Variants in RORA observed in about 807,000 individuals in gnomAD.
The protein encoded by RORA is RAR related orphan receptor A.
Under a neutral mutation model 69.5 loss-of-function variants are expected in RORA, and 7 were observed. The observed-to-expected ratio is 0.10, with a 90% CI of 0.06 to 0.19. The LOEUF is 0.19. RORA is among the 10% of genes least tolerant of loss of function. The probability of loss-of-function intolerance (pLI) is 1.00; values close to 1 mark genes in which losing one functional copy is unlikely to be tolerated. For missense variants in RORA, 457 were observed against 663.0 expected (o/e 0.69, Z 3.41); for synonymous variants, 261 against 240.8 (o/e 1.08, Z -0.78).
intron 2 of RORA, among the ~76,000 whole-genome samples, chr15:60,664,687 T>A (rs1250320557): frequency 2.0e-5 from 3 of 152,188 alleles, no homozygotes; most frequent in Non-Finnish European, 4.4e-5. Flanking sequence ...CTTTTTGACC[T>A]TGGAAGAAGA....
intron 1 of RORA, among the ~76,000 whole-genome samples, chr15:60,880,084 A>C (rs928361890): frequency 6.6e-6 from 1 of 152,180 alleles, no homozygotes; most frequent in African/African-American, 2.4e-5. Context: ...AGTTGTAAGG[A>C]GCAGTTCTGC....
intron 1 of RORA, among the ~76,000 whole-genome samples, chr15:61,025,094 G>C (rs1895734107): frequency 6.6e-6 from 1 of 152,132 alleles, no homozygotes; most frequent in African/African-American, 2.4e-5. Flanking sequence ...GAATCAAACA[G>C]ACAGGACGCA....
At chr15:61,157,216 TTTTGAC>T (rs1306941836) in intron 1 of RORA, among the ~76,000 whole-genome samples, 1 of 152,118 alleles carries the variant, frequency 6.6e-6, no homozygotes, top group Non-Finnish European at 1.5e-5. Flanking sequence ...AACCATTAAG[TTTTGAC>T]ACCTCTTAGG....
intron 1 of RORA, among the ~76,000 whole-genome samples, chr15:60,705,890 C>T (rs1297776356): frequency 6.6e-6 from 1 of 152,094 alleles, no homozygotes; most frequent in African/African-American, 2.4e-5. Context: ...TAGAATCTTT[C>T]TCCAAGGAGT....
At chr15:61,142,550 T>A (rs2079309689) in intron 1 of RORA, among the ~76,000 whole-genome samples, 1 of 81,012 alleles carries the variant, frequency 1.2e-5, no homozygotes, top group African/African-American at 3.3e-5. Flanking sequence ...CTGACAAAAA[T>A]AACCAGAAAG....
At chr15:61,053,868 T>TATATATATATATA (rs1375180186) in intron 1 of RORA, among the ~76,000 whole-genome samples, 12 of 140,176 alleles carry the variant, frequency 8.6e-5, no homozygotes, top group Admixed American at 1.4e-4. Context: ...TATATAAACA[T>TATATATATATATA]TCTTCAGGGA....
chr15:61,067,816 C>T (rs2078286219), intron 1 of RORA, among the ~76,000 whole-genome samples: 1 of 152,174 alleles, frequency 6.6e-6, no homozygotes, highest in Non-Finnish European at 1.5e-5. Context: ...TCTCAGCTTC[C>T]TACATAAAAG....
At chr15:60,505,470 T>A in intron 6 of RORA, 38 bp downstream of exon 6, 1 of 1,609,542 alleles carries the variant, frequency 6.2e-7, no homozygotes, top group Non-Finnish European at 8.5e-7. Flanking sequence ...TTCCCAATAT[T>A]GCCTCAATCC....
intron 2 of RORA, among the ~76,000 whole-genome samples, chr15:60,552,981 T>G (rs1319466736): frequency 6.6e-6 from 1 of 152,182 alleles, no homozygotes; most frequent in Non-Finnish European, 1.5e-5. Flanking sequence ...ACTGTGATCA[T>G]GGGCAAGTTA....
At chr15:61,178,473 A>G (rs1174874320) in intron 1 of RORA, among the ~76,000 whole-genome samples, 1 of 152,156 alleles carries the variant, frequency 6.6e-6, no homozygotes, top group Non-Finnish European at 1.5e-5. Flanking sequence ...TTATGAGCAG[A>G]AAAATATGGA....
rs339984 is a variant in RORA, at chr15:60,638,165, C to T, written c.196+40492G>A. Among the ~76,000 whole-genome samples the T allele has an allele frequency of 4.3e-3, 648 of 152,104 alleles. 2 individuals carry two copies. Among genetic ancestry groups the T allele is most frequent in the African/African-American group, 0.015 (606 of 41,494 alleles). On this transcript the variant is annotated intron_variant, in intron 2 of 10. Coordinates refer to ENST00000335670, the MANE Select transcript of RORA (RefSeq NM_134261.3). ...AAAAGATCCTCTCTCTTCTAGGGCA[C>T]GAGTAAAGATATCAACCCATCTATC... is the stretch of plus-strand genomic sequence containing the variant.
At chr15:60,784,557 G>C (rs559513976) in intron 1 of RORA, among the ~76,000 whole-genome samples, 5 of 152,278 alleles carry the variant, frequency 3.3e-5, no homozygotes, top group African/African-American at 1.2e-4. Flanking sequence ...TCACCCTTCT[G>C]TTTCTGGTGA....
At chr15:60,679,326 C>T (rs1407480088) in intron 1 of RORA, among the ~76,000 whole-genome samples, 4 of 152,118 alleles carry the variant, frequency 2.6e-5, no homozygotes, top group Non-Finnish European at 5.9e-5. Context: ...TACGAAAACA[C>T]GAGCGATTCA....
chr15:60,659,736 G>A (rs945720175), intron 2 of RORA, among the ~76,000 whole-genome samples: 1 of 152,088 alleles, frequency 6.6e-6, no homozygotes, highest in South Asian at 2.1e-4. Flanking sequence ...CAACAAGGAG[G>A]TGAAAAAAAG....
At chr15:61,170,482 T>A (rs2079575804) in intron 1 of RORA, among the ~76,000 whole-genome samples, 1 of 152,234 alleles carries the variant, frequency 6.6e-6, no homozygotes, top group Non-Finnish European at 1.5e-5. Context: ...TGAGCTCGCC[T>A]AGTTAATCCA....
intron 2 of RORA, among the ~76,000 whole-genome samples, chr15:60,652,309 A>G (rs1040223675): frequency 3.3e-5 from 5 of 152,230 alleles, no homozygotes; most frequent in African/African-American, 1.2e-4. Context: ...TAAGAAAGGC[A>G]TAAGTAGGGC....
intron 2 of RORA, among the ~76,000 whole-genome samples, chr15:60,566,248 T>G (rs549244963): frequency 1.3e-5 from 2 of 152,366 alleles, no homozygotes; most frequent in Admixed American, 1.3e-4. Context: ...AAATACTTAT[T>G]TTAATGCTAT....
At chr15:60,623,610 G>A (rs1462968865) in intron 2 of RORA, among the ~76,000 whole-genome samples, 3 of 152,158 alleles carry the variant, frequency 2.0e-5, no homozygotes, top group African/African-American at 7.2e-5. Context: ...ATAAGCACAA[G>A]TGGCCTGGCT....
chr15:61,137,913 A>G (rs750768262), intron 1 of RORA, among the ~76,000 whole-genome samples: 49 of 152,212 alleles, frequency 3.2e-4, no homozygotes, highest in Non-Finnish European at 5.9e-4. Context: ...ACAATCTTGA[A>G]AGAGAAACAT....
Sources: allele counts gnomAD v4.1 joint callset (sites outside exome capture counted in the v4.1 genomes callset), GRCh38; gene constraint gnomAD v4.1.1; transcripts MANE v1.5; gene names NCBI Gene and HGNC (gene_info 2026-07-23, HGNC 2026-07-21).